The following ANKDD1A variants were observed in gnomAD, a reference collection of about 807,000 sequenced individuals.
The protein encoded by ANKDD1A is ankyrin repeat and death domain-containing protein 1A.
Under a neutral mutation model 63.5 loss-of-function variants are expected in ANKDD1A, and 59 were observed. That is an observed-to-expected ratio of 0.93 (90% CI 0.75 to 1.15). The LOEUF is 1.15. Among genes scored for constraint, ANKDD1A ranks in the 50% most tolerant of loss-of-function variants. The pLI is 0.00. For synonymous variants in ANKDD1A, 266 were observed against 263.9 expected (o/e 1.01, Z -0.08); for missense variants, 632 against 656.4 (o/e 0.96, Z 0.41).
chr15:64,954,927 T>TCTC (rs1350073536), intron 14 of ANKDD1A, among the ~76,000 whole-genome samples: 6 of 26,802 alleles, frequency 2.2e-4, no homozygotes, highest in Non-Finnish European at 1.6e-3. Context: ...CTCTCCTTCT[T>TCTC]CTCCTTCTTC....
chr15:64,950,179 G>C (rs2085258489), intron 14 of ANKDD1A: 1 of 985,278 alleles, frequency 1.0e-6, no homozygotes, highest in African/African-American at 1.7e-5. Context: ...CAATGAGGGT[G>C]TTGGCCCAAA....
At chr15:64,950,669 T>C (rs893306118) in intron 14 of ANKDD1A, 2 of 983,480 alleles carry the variant, frequency 2.0e-6, no homozygotes, top group East Asian at 1.1e-4. Flanking sequence ...TCCTGACATA[T>C]TTCTAGTATA....
intron 14 of ANKDD1A, chr15:64,950,303 A>C (rs1595857466): frequency 1.0e-6 from 1 of 985,242 alleles, no homozygotes; most frequent in Non-Finnish European, 1.2e-6. Flanking sequence ...GCCTGGAACC[A>C]CCTCCAGACT....
chr15:64,948,974 G>A (rs1192809295), intron 13 of ANKDD1A, among the ~76,000 whole-genome samples: 4 of 152,182 alleles, frequency 2.6e-5, no homozygotes, highest in African/African-American at 9.7e-5. Context: ...TTACAGTGGC[G>A]GGGGCAGAGA....
intron 13 of ANKDD1A, among the ~76,000 whole-genome samples, chr15:64,947,977 AAAGG>A (rs2085237214): frequency 6.6e-6 from 1 of 152,254 alleles, no homozygotes; most frequent in Admixed American, 6.5e-5. Context: ...TAAATATTGT[AAAGG>A]AAGAGAGAGA....
chr15:64,927,965 T>C (rs1446461030), intron 6 of ANKDD1A, among the ~76,000 whole-genome samples: 1 of 152,212 alleles, frequency 6.6e-6, no homozygotes, highest in Non-Finnish European at 1.5e-5. Flanking sequence ...ATTAATCTTC[T>C]GGTTAATGTG....
At position 64,918,678 on chromosome 15, in the gene ANKDD1A, G is replaced by C. The variant is rs370183952; in HGVS notation, c.267+1164G>C. Reference sequence around the variant, plus strand: ...TTTAGAATCCCTCCTTGTTGGCCAGGTGCGGTGGCTCACACCAGTAATCCC... The same window carrying C: ...TTTAGAATCCCTCCTTGTTGGCCAGCTGCGGTGGCTCACACCAGTAATCCC... On this transcript the variant is annotated intron_variant, in intron 3 of 14. Coordinates refer to ENST00000319580, the MANE Select transcript of ANKDD1A (RefSeq NM_182703.6). 4.6e-5 allele frequency among the ~76,000 whole-genome samples: 7 copies of C among 152,288 alleles called. No individual in the cohort carries two copies. The South Asian group carries it at 8.3e-4, about 18-fold the overall frequency.
At chr15:64,954,075 CTTTTCT>C in intron 14 of ANKDD1A, among the ~76,000 whole-genome samples, 1 of 13,584 alleles carries the variant, frequency 7.4e-5, no homozygotes, top group East Asian at 0.031. Flanking sequence ...TCTTCTTCCT[CTTTTCT>C]TCTTCTTTCT....
intron 14 of ANKDD1A, among the ~76,000 whole-genome samples, chr15:64,951,862 TC>T (rs2085289747): frequency 1.3e-4 from 2 of 15,638 alleles, no homozygotes; most frequent in Admixed American, 1.4e-3. Context: ...TTCTTCTTCC[TC>T]TTCTTTTTCT....
chr15:64,945,269 C>T (rs1041855028), intron 12 of ANKDD1A, among the ~76,000 whole-genome samples: 3 of 152,010 alleles, frequency 2.0e-5, no homozygotes, highest in African/African-American at 7.3e-5. Flanking sequence ...TTTTTATATA[C>T]AGAAGATAAT....
chr15:64,943,638 G>C (rs1345319011), intron 11 of ANKDD1A, 56 bp downstream of exon 11: 1 of 1,523,116 alleles, frequency 6.6e-7, no homozygotes, highest in African/African-American at 1.4e-5. Flanking sequence ...CCCCTTGCCA[G>C]AGACCCTGCT....
intron 9 of ANKDD1A, among the ~76,000 whole-genome samples, chr15:64,941,596 T>C (rs1483715357): frequency 6.6e-6 from 1 of 152,260 alleles, no homozygotes; most frequent in Non-Finnish European, 1.5e-5. Context: ...ATGTCAATAA[T>C]GGGCATTTTT....
intron 9 of ANKDD1A, among the ~76,000 whole-genome samples, chr15:64,936,485 T>C (rs2085133690): frequency 6.6e-6 from 1 of 152,188 alleles, no homozygotes; most frequent in Non-Finnish European, 1.5e-5. Context: ...GTATTTGCTT[T>C]GTTTTTAATA....
At chr15:64,926,778 T>C (rs908070541) in intron 5 of ANKDD1A, 123 bp from the exon 6 acceptor site, 4 of 955,762 alleles carry the variant, frequency 4.2e-6, no homozygotes, top group South Asian at 2.8e-5. Context: ...GAGAGGACAG[T>C]GTCTGGGGCA....
At chr15:64,952,740 CCTTCTTTCCT>C (rs1371744702) in intron 14 of ANKDD1A, among the ~76,000 whole-genome samples, 4 of 111,576 alleles carry the variant, frequency 3.6e-5, no homozygotes, top group African/African-American at 6.0e-5. Flanking sequence ...CCTTCTTCCT[CCTTCTTTCCT>C]CTTCTCCTCC....
chr15:64,911,994 G>A (rs2084934719), intron 1 of ANKDD1A, 30 bp downstream of exon 1: 22 of 343,682 alleles, frequency 6.4e-5, no homozygotes, highest in South Asian at 1.3e-4. Context: ...GGAGGGGGGC[G>A]GGCCGAGGCC....
intron 3 of ANKDD1A, among the ~76,000 whole-genome samples, chr15:64,920,693 A>C (rs1313832410): frequency 6.6e-6 from 1 of 152,086 alleles, no homozygotes; most frequent in Non-Finnish European, 1.5e-5. Context: ...CTGGGACTAC[A>C]GGCACGTACC....
chr15:64,937,345 A>G (rs552282662), intron 9 of ANKDD1A, among the ~76,000 whole-genome samples: 4 of 152,374 alleles, frequency 2.6e-5, no homozygotes, highest in African/African-American at 9.6e-5. Flanking sequence ...ATCATTTGTA[A>G]TAGCAAAATA....
At chr15:64,954,824 CTTT>C (rs1566919244) in intron 14 of ANKDD1A, among the ~76,000 whole-genome samples, 7 of 145,846 alleles carry the variant, frequency 4.8e-5, no homozygotes, top group Admixed American at 2.1e-4. Context: ...TCTTCTCCTT[CTTT>C]TTGTTGTTCT....
Sources: gnomAD v4.1 joint callset for allele counts (sites outside exome capture counted in the v4.1 genomes callset) on GRCh38, gnomAD v4.1.1 for gene constraint, MANE v1.5 for transcripts, NCBI Gene and HGNC (gene_info 2026-07-23, HGNC 2026-07-21) for gene names.